AP3S2: variants seen among roughly 807,000 people sequenced by gnomAD.
AP3S2 encodes adaptor related protein complex 3 subunit sigma 2, also known as AP-3 complex subunit sigma-2.
Under a neutral mutation model 23.4 loss-of-function variants are expected in AP3S2, and 22 were observed. That is an observed-to-expected ratio of 0.94 (90% CI 0.67 to 1.34). The LOEUF is 1.34. Ranked by LOEUF, AP3S2 falls within the 40% of genes most tolerant of loss-of-function variation. The pLI is 0.00. For missense variants in AP3S2, 241 were observed against 236.9 expected, an observed-to-expected ratio of 1.02 and a Z score of -0.11; for synonymous variants, 86 against 87.1, an observed-to-expected ratio of 0.99 and a Z score of 0.07.
chr15:89,843,682 C>A (rs1447974119), intron 4 of AP3S2, among the ~76,000 whole-genome samples: 1 of 151,996 alleles, frequency 6.6e-6, no homozygotes, highest in Non-Finnish European at 1.5e-5. Flanking sequence ...GTGGCATGTG[C>A]CTGTAATTCT....
intron 4 of AP3S2, among the ~76,000 whole-genome samples, chr15:89,859,009 G>GT (rs1267562327): frequency 6.6e-6 from 1 of 151,074 alleles, no homozygotes; most frequent in Non-Finnish European, 1.5e-5. Context: ...CCTTGCTTTT[G>GT]TTTTTTTCTT....
intron 3 of AP3S2, among the ~76,000 whole-genome samples, chr15:89,879,437 T>C (rs1896519558): frequency 1.3e-5 from 2 of 152,054 alleles, no homozygotes; most frequent in South Asian, 4.1e-4. Flanking sequence ...AGCAAGAAAT[T>C]GGGAAAAACA....
At chr15:89,877,478 G>GTACAATTCAGTAGCATTCGATAACGT (rs1368428902) in intron 3 of AP3S2, 1 of 921,654 alleles carries the variant, frequency 1.1e-6, no homozygotes, top group African/African-American at 1.7e-5. Flanking sequence ...TTTTTTAAGT[G>GTACAATTCAGTAGCATTCGATAACGT]TACAATTCAG....
At position 89,835,547 on chromosome 15, in the gene AP3S2, T is replaced by G; in HGVS notation, c.550A>C (p.Ile184Leu). ...PRNINIGDLN[I>L]KVPNLSQFV ...AACTGGGACAGGTTGGGAACTTTGA[T>G]GTTGAGATCGCCAATGTTGATGTTC... Residue 184 changes from isoleucine to leucine, a missense_variant, in exon 6 of 6, where the codon ATC becomes CTC. Physicochemically the swap from Ile to Leu is conservative, Grantham distance 5. Coordinates refer to ENST00000336418, the MANE Select transcript of AP3S2 (RefSeq NM_005829.5). 1 of 1,613,776 alleles carries G rather than the reference T, an allele frequency of 6.2e-7. No individual in the cohort carries two copies. The highest frequency in any genetic ancestry group is 1.3e-5 in the African/African-American group (1 of 74,904).
chr15:89,870,854 T>C (rs1896302302), intron 4 of AP3S2, among the ~76,000 whole-genome samples: 2 of 152,128 alleles, frequency 1.3e-5, no homozygotes, highest in Admixed American at 1.3e-4. Flanking sequence ...ACATGGCAAT[T>C]CCTATTCCCT....
intron 4 of AP3S2, among the ~76,000 whole-genome samples, chr15:89,866,913 T>A (rs1896137916): frequency 6.6e-6 from 1 of 151,916 alleles, no homozygotes; most frequent in East Asian, 1.9e-4. Flanking sequence ...TGGGAGTCAT[T>A]CCAGCAGAGA....
chr15:89,857,373 A>G (rs1443038466), intron 4 of AP3S2, among the ~76,000 whole-genome samples: 1 of 151,810 alleles, frequency 6.6e-6, no homozygotes, highest in African/African-American at 2.4e-5. Flanking sequence ...TGCTTAATAA[A>G]TGATTGTTGT....
At chr15:89,868,932 G>C (rs1232527590) in intron 4 of AP3S2, among the ~76,000 whole-genome samples, 190 of 116,066 alleles carry the variant, frequency 1.6e-3, no homozygotes, top group Admixed American at 1.9e-3. Flanking sequence ...CAGCCGCCCC[G>C]TCCGGGAGGG....
At chr15:89,852,092 G>A (rs1895670812) in intron 4 of AP3S2, among the ~76,000 whole-genome samples, 1 of 151,848 alleles carries the variant, frequency 6.6e-6, no homozygotes, top group Non-Finnish European at 1.5e-5. Context: ...CAGAGTCCAG[G>A]ATCTGAATGT....
At chr15:89,867,700 C>T (rs1270666475) in intron 4 of AP3S2, among the ~76,000 whole-genome samples, 1 of 137,722 alleles carries the variant, frequency 7.3e-6, no homozygotes, top group African/African-American at 2.7e-5. Flanking sequence ...TCTGCCCGGC[C>T]GAGACCCCGT....
chr15:89,856,221 A>G (rs1322492613), intron 4 of AP3S2, among the ~76,000 whole-genome samples: 1 of 152,298 alleles, frequency 6.6e-6, no homozygotes, highest in East Asian at 1.9e-4. Context: ...GCCAGTATGC[A>G]CAAGTCATAA....
chr15:89,856,607 C>G (rs1271650243), intron 4 of AP3S2, among the ~76,000 whole-genome samples: 1 of 150,270 alleles, frequency 6.7e-6, no homozygotes, highest in Non-Finnish European at 1.5e-5. Flanking sequence ...AAGGCTGAGG[C>G]AGGAGAATTG....
chr15:89,868,946 TG>T (rs1211703284), intron 4 of AP3S2, among the ~76,000 whole-genome samples: 1 of 121,492 alleles, frequency 8.2e-6, no homozygotes, highest in African/African-American at 3.5e-5. Context: ...GGGAGGGAGG[TG>T]GGGGGGTCAG....
At chr15:89,877,614 C>T (rs1476000715) in intron 3 of AP3S2, among the ~76,000 whole-genome samples, 1 of 151,932 alleles carries the variant, frequency 6.6e-6, no homozygotes, top group Non-Finnish European at 1.5e-5. Flanking sequence ...TTTGGGAGGG[C>T]GAGGCAGGTG....
intron 4 of AP3S2, among the ~76,000 whole-genome samples, chr15:89,843,276 A>T (rs1293397046): frequency 1.3e-5 from 2 of 151,672 alleles, no homozygotes; most frequent in African/African-American, 4.8e-5. Flanking sequence ...GAGCCACTAC[A>T]CCCAGCCAAG....
chr15:89,842,179 A>G (rs975287782), intron 4 of AP3S2, among the ~76,000 whole-genome samples: 2 of 152,068 alleles, frequency 1.3e-5, no homozygotes, highest in African/African-American at 4.8e-5. Flanking sequence ...AAAACACACT[A>G]GGAACAAAAG....
At chr15:89,860,446 G>A (rs536944334) in intron 4 of AP3S2, among the ~76,000 whole-genome samples, 1 of 152,316 alleles carries the variant, frequency 6.6e-6, no homozygotes, top group Admixed American at 6.5e-5. Context: ...GGCAGCTAGT[G>A]TACACAGCAC....
intron 4 of AP3S2, chr15:89,845,369 A>G (rs1895461000): frequency 6.6e-6 from 1 of 152,290 alleles, no homozygotes; most frequent in African/African-American, 2.4e-5. Flanking sequence ...ATGAGCGAAC[A>G]GCTGCCCGTG....
chr15:89,839,345 C>T (rs1431949227), intron 4 of AP3S2, among the ~76,000 whole-genome samples: 2 of 152,194 alleles, frequency 1.3e-5, no homozygotes, highest in Non-Finnish European at 2.9e-5. Context: ...TATTCCCTTG[C>T]GTGTGTGCCC....
Sources: gnomAD v4.1 joint callset for allele counts (sites outside exome capture counted in the v4.1 genomes callset) on GRCh38, gnomAD v4.1.1 for gene constraint, MANE v1.5 for transcripts, NCBI Gene and HGNC (gene_info 2026-07-23, HGNC 2026-07-21) for gene names.